Variants in HS6ST3 observed in about 807,000 individuals in gnomAD.
HS6ST3 encodes heparan sulfate 6-O-sulfotransferase 3, also known as heparan-sulfate 6-O-sulfotransferase 3.
Under a neutral mutation model 36.7 loss-of-function variants are expected in HS6ST3, and 12 were observed. That is an observed-to-expected ratio of 0.33 (90% confidence interval 0.21 to 0.53). The LOEUF is 0.53. Ranked by LOEUF, HS6ST3 falls within the 20% of genes least tolerant of loss-of-function variation. The pLI is 0.95. For synonymous variants in HS6ST3, 240 were observed against 257.5 expected, an observed-to-expected ratio of 0.93 and a Z score of 0.65; for missense variants, 584 against 640.9, an observed-to-expected ratio of 0.91 and a Z score of 0.96.
At chr13:96,649,529 TTTTC>T (rs1166072596) in intron 1 of HS6ST3, among the ~76,000 whole-genome samples, 7 of 152,032 alleles carry the variant, frequency 4.6e-5, no homozygotes, top group African/African-American at 1.7e-4. Context: ...AACCTTTGAA[TTTTC>T]CTTGACTCTT....
intron 1 of HS6ST3, among the ~76,000 whole-genome samples, chr13:96,428,444 C>T (rs902854419): frequency 6.6e-6 from 1 of 152,170 alleles, no homozygotes; most frequent in Non-Finnish European, 1.5e-5. Context: ...ATCAGGGTGT[C>T]AGCAGGGTTG....
At chr13:96,336,244 T>C (rs2055100388) in intron 1 of HS6ST3, among the ~76,000 whole-genome samples, 1 of 152,192 alleles carries the variant, frequency 6.6e-6, no homozygotes, top group Non-Finnish European at 1.5e-5. Context: ...CTCCCCAGAT[T>C]CCCATGTTTC....
At chr13:96,185,915 GCTC>G (rs2139342774) in intron 1 of HS6ST3, among the ~76,000 whole-genome samples, 1 of 152,270 alleles carries the variant, frequency 6.6e-6, no homozygotes, top group African/African-American at 2.4e-5. Context: ...GAACCTATCT[GCTC>G]CTCCCAAATT....
At chr13:96,251,011 T>G (rs1317393835) in intron 1 of HS6ST3, among the ~76,000 whole-genome samples, 1 of 152,210 alleles carries the variant, frequency 6.6e-6, no homozygotes, top group African/African-American at 2.4e-5. Context: ...GTTCTCGATT[T>G]CTGCTTCTGT....
chr13:96,736,919 T>A (rs1876299627), intron 1 of HS6ST3, among the ~76,000 whole-genome samples: 1 of 152,176 alleles, frequency 6.6e-6, no homozygotes, highest in Non-Finnish European at 1.5e-5. Context: ...GATGAAAGCA[T>A]GATATGTCAG....
At position 96,501,621 on chromosome 13, in the gene HS6ST3, A is replaced by C. The variant is rs947852556; in HGVS notation, c.708-330869A>C. Among the ~76,000 whole-genome samples the C allele has an allele frequency of 3.9e-5, 6 of 152,336 alleles. No individual in the cohort carries two copies. The South Asian group carries it at 1.2e-3, about 32-fold the overall frequency. ...TGCTCCAGGAACAAATATTTGAACA[A>C]AGTTCTGCCACAGAGCCTGGGTTCC... On this transcript the variant is annotated intron_variant, in intron 1 of 1. Coordinates refer to ENST00000376705, the MANE Select transcript of HS6ST3 (RefSeq NM_153456.4).
intron 1 of HS6ST3, among the ~76,000 whole-genome samples, chr13:96,173,669 T>A (rs1352354522): frequency 1.9e-4 from 18 of 94,856 alleles, no homozygotes; most frequent in African/African-American, 2.9e-4. Context: ...TCACAGGTTG[T>A]AAAAAAAAAA....
chr13:96,181,746 G>GCATA (rs1406954039), intron 1 of HS6ST3, among the ~76,000 whole-genome samples: 2 of 152,158 alleles, frequency 1.3e-5, no homozygotes, highest in African/African-American at 4.8e-5. Flanking sequence ...TTTAGATTGA[G>GCATA]CGTATTTGGG....
intron 1 of HS6ST3, among the ~76,000 whole-genome samples, chr13:96,154,496 A>G (rs2054101389): frequency 1.3e-5 from 2 of 152,172 alleles, no homozygotes; most frequent in African/African-American, 2.4e-5. Flanking sequence ...TGATTTCACT[A>G]TTCAGCTTAG....
At chr13:96,213,310 C>T (rs1393682365) in intron 1 of HS6ST3, among the ~76,000 whole-genome samples, 1 of 152,144 alleles carries the variant, frequency 6.6e-6, no homozygotes, top group African/African-American at 2.4e-5. Flanking sequence ...CACTTATGAC[C>T]CTTTTTTGTG....
intron 1 of HS6ST3, among the ~76,000 whole-genome samples, chr13:96,260,365 G>A (rs765617314): frequency 5.6e-4 from 83 of 148,164 alleles, no homozygotes; most frequent in Non-Finnish European, 1.3e-4. Context: ...AGGCTGGAGT[G>A]CAGTGGCACA....
At chr13:96,409,868 GCGTGGT>G (rs1200827108) in intron 1 of HS6ST3, among the ~76,000 whole-genome samples, 2 of 152,090 alleles carry the variant, frequency 1.3e-5, no homozygotes, top group African/African-American at 4.8e-5. Flanking sequence ...ATCTTATGAA[GCGTGGT>G]CTTAAAAGCA....
intron 1 of HS6ST3, among the ~76,000 whole-genome samples, chr13:96,196,004 A>C (rs1327630): frequency 1.3e-5 from 2 of 152,148 alleles, no homozygotes; most frequent in African/African-American, 2.4e-5. Context: ...GGAACCAAAC[A>C]ATTTCTTTCT....
chr13:96,482,738 G>A (rs1275911883), intron 1 of HS6ST3, among the ~76,000 whole-genome samples: 2 of 152,238 alleles, frequency 1.3e-5, no homozygotes, highest in South Asian at 2.1e-4. Flanking sequence ...TCTACGGAAG[G>A]GTGCAAAACT....
chr13:96,270,512 G>A (rs901349607), intron 1 of HS6ST3, among the ~76,000 whole-genome samples: 1 of 151,762 alleles, frequency 6.6e-6, no homozygotes, highest in Admixed American at 6.6e-5. Flanking sequence ...TAAAAAGTTG[G>A]ATTATGAATT....
chr13:96,477,160 C>T (rs182131806), intron 1 of HS6ST3, among the ~76,000 whole-genome samples: 1 of 152,260 alleles, frequency 6.6e-6, no homozygotes, highest in East Asian at 1.9e-4. Flanking sequence ...CTCTACCTAG[C>T]ACTAGCTGTA....
chr13:96,794,299 T>TATATGCAAAACACATCTG (rs1188093829), intron 1 of HS6ST3, among the ~76,000 whole-genome samples: 4 of 152,084 alleles, frequency 2.6e-5, no homozygotes, highest in African/African-American at 9.7e-5. Context: ...ACTCTTAACT[T>TATATGCAAAACACATCTG]ATAAGTATAT....
intron 1 of HS6ST3, among the ~76,000 whole-genome samples, chr13:96,771,439 A>G (rs1877262176): frequency 6.6e-6 from 1 of 152,300 alleles, no homozygotes; most frequent in South Asian, 2.1e-4. Context: ...ATTAAAAAGT[A>G]AAAAAATAAA....
intron 1 of HS6ST3, among the ~76,000 whole-genome samples, chr13:96,739,087 A>AT (rs376386137): frequency 1.5e-3 from 218 of 148,068 alleles, no homozygotes; most frequent in South Asian, 8.3e-3. Context: ...CACCGCACAC[A>AT]TTTTTTTTTT....
Sources: allele counts gnomAD v4.1 joint callset (sites outside exome capture counted in the v4.1 genomes callset), GRCh38; gene constraint gnomAD v4.1.1; transcripts MANE v1.5; gene names NCBI Gene and HGNC (gene_info 2026-07-23, HGNC 2026-07-21).